The following ARHGAP15 variants were observed in gnomAD, a reference collection of about 807,000 sequenced individuals.
ARHGAP15 encodes Rho GTPase activating protein 15, also known as rho GTPase-activating protein 15.
ARHGAP15 carries 51 observed loss-of-function variants against 63.7 expected under a neutral mutation model. The ratio of observed to expected loss-of-function variants is 0.80; its 90% CI spans 0.64 to 1.01. The LOEUF (loss-of-function observed/expected upper bound fraction) is 1.01, where lower values mean the gene tolerates loss of function less well. Ranked by LOEUF, ARHGAP15 falls within the 50% of genes least tolerant of loss-of-function variation. ARHGAP15 has a pLI of 0.00. For missense variants in ARHGAP15, 560 were observed against 564.6 expected, an observed-to-expected ratio of 0.99 and a Z score of 0.08; for synonymous variants, 191 against 193.8, an observed-to-expected ratio of 0.99 and a Z score of 0.12.
intron 12 of ARHGAP15, among the ~76,000 whole-genome samples, chr2:143,689,429 G>T (rs1398007583): frequency 2.6e-5 from 4 of 152,032 alleles, no homozygotes; most frequent in Non-Finnish European, 4.4e-5. Flanking sequence ...AGCTTTTTAT[G>T]AGCATTGTTC....
chr2:143,269,627 A>T (rs1681169009), intron 6 of ARHGAP15, among the ~76,000 whole-genome samples: 1 of 152,172 alleles, frequency 6.6e-6, no homozygotes, highest in Non-Finnish European at 1.5e-5. Context: ...ATGCATATAC[A>T]CCTTCCAATT....
chr2:143,365,826 C>T (rs182766672), intron 6 of ARHGAP15, among the ~76,000 whole-genome samples: 1 of 152,292 alleles, frequency 6.6e-6, no homozygotes, highest in Admixed American at 6.5e-5. Flanking sequence ...CTTCAATGCA[C>T]AAATATTCCG....
At chr2:143,681,127 C>T (rs1263946724) in intron 12 of ARHGAP15, among the ~76,000 whole-genome samples, 2 of 152,198 alleles carry the variant, frequency 1.3e-5, no homozygotes, top group African/African-American at 2.4e-5. Context: ...GATGGAGCTG[C>T]ACCAGTCTCA....
intron 12 of ARHGAP15, among the ~76,000 whole-genome samples, chr2:143,690,666 A>C (rs1257347459): frequency 6.6e-6 from 1 of 152,098 alleles, no homozygotes; most frequent in Non-Finnish European, 1.5e-5. Flanking sequence ...TCTAAACCAC[A>C]CCTTGGTTCT....
rs748552030 is a variant in ARHGAP15 at position 143,577,429 on chromosome 2, C to T, written c.1003+20944C>T. 1.2e-4 allele frequency among the ~76,000 whole-genome samples: 18 copies of T among 152,072 alleles called. 1 individual carries two copies. The highest frequency in any genetic ancestry group is 2.4e-4 in the Non-Finnish European group (16 of 67,994). Reference sequence around the variant, plus strand: ...TTAGGACTCTTCTGATTTTAAGGGACAAAAACCAAAGGATTTTTTTCCTTT... The same window carrying T: ...TTAGGACTCTTCTGATTTTAAGGGATAAAAACCAAAGGATTTTTTTCCTTT... On this transcript the variant is annotated intron_variant, in intron 11 of 13. Transcript: ENST00000295095.
intron 6 of ARHGAP15, among the ~76,000 whole-genome samples, chr2:143,321,243 T>C (rs950496238): frequency 6.6e-6 from 1 of 152,206 alleles, no homozygotes; most frequent in Non-Finnish European, 1.5e-5. Context: ...AAACACATGG[T>C]AACTGCCCCA....
intron 6 of ARHGAP15, among the ~76,000 whole-genome samples, chr2:143,370,859 A>G (rs142478936): frequency 1.3e-4 from 20 of 152,310 alleles, no homozygotes; most frequent in African/African-American, 4.6e-4. Context: ...AACCCATGTT[A>G]AAAGTTTAAT....
chr2:143,259,213 T>A (rs1226752718), intron 6 of ARHGAP15, among the ~76,000 whole-genome samples: 1 of 152,164 alleles, frequency 6.6e-6, no homozygotes, highest in Non-Finnish European at 1.5e-5. Context: ...GAAAATTATG[T>A]GAAACCCTTC....
chr2:143,312,456 CA>C (rs1428185134), intron 6 of ARHGAP15, among the ~76,000 whole-genome samples: 2 of 151,538 alleles, frequency 1.3e-5, no homozygotes, highest in African/African-American at 2.4e-5. Flanking sequence ...GCAATCTCTG[CA>C]GTTATTTTTT....
At chr2:143,399,840 G>A (rs1687921307) in intron 6 of ARHGAP15, among the ~76,000 whole-genome samples, 1 of 151,952 alleles carries the variant, frequency 6.6e-6, no homozygotes, top group South Asian at 2.1e-4. Context: ...TAAGGACATT[G>A]GTGGGAAGAT....
At chr2:143,381,922 TC>T (rs1388170102) in intron 6 of ARHGAP15, among the ~76,000 whole-genome samples, 1 of 152,126 alleles carries the variant, frequency 6.6e-6, no homozygotes. Context: ...AGGCAATCTA[TC>T]CTTTTTGATA....
chr2:143,289,473 A>G (rs1027447864), intron 6 of ARHGAP15, among the ~76,000 whole-genome samples: 8 of 152,192 alleles, frequency 5.3e-5, no homozygotes, highest in Non-Finnish European at 1.0e-4. Context: ...TCATGTGAGT[A>G]TTAAGTATAC....
At chr2:143,444,276 A>G (rs1690031456) in intron 8 of ARHGAP15, among the ~76,000 whole-genome samples, 1 of 152,116 alleles carries the variant, frequency 6.6e-6, no homozygotes, top group South Asian at 2.1e-4. Flanking sequence ...GCATTAATAC[A>G]CTACTGTGAT....
chr2:143,274,663 T>G (rs945929811), intron 6 of ARHGAP15, among the ~76,000 whole-genome samples: 1 of 152,222 alleles, frequency 6.6e-6, no homozygotes, highest in Non-Finnish European at 1.5e-5. Flanking sequence ...ACCATACAAT[T>G]GATTGGGTCA....
chr2:143,369,459 A>C (rs987855494), intron 6 of ARHGAP15, among the ~76,000 whole-genome samples: 2 of 152,140 alleles, frequency 1.3e-5, no homozygotes, highest in African/African-American at 2.4e-5. Flanking sequence ...AGTGGATTAG[A>C]ATACCTTTTA....
At chr2:143,188,782 G>A (rs570284824) in intron 2 of ARHGAP15, among the ~76,000 whole-genome samples, 5 of 151,804 alleles carry the variant, frequency 3.3e-5, no homozygotes, top group South Asian at 2.1e-4. Context: ...CACCATGCCC[G>A]GCTAATTATT....
intron 8 of ARHGAP15, among the ~76,000 whole-genome samples, chr2:143,438,545 G>C (rs1689719904): frequency 6.6e-6 from 1 of 152,146 alleles, no homozygotes; most frequent in South Asian, 2.1e-4. Flanking sequence ...TTCAACAACT[G>C]CTAGACACAT....
chr2:143,737,144 A>C (rs1685776121), intron 13 of ARHGAP15, among the ~76,000 whole-genome samples: 1 of 152,226 alleles, frequency 6.6e-6, no homozygotes, highest in Non-Finnish European at 1.5e-5. Flanking sequence ...ACTAGCCGGG[A>C]ACATTGAATA....
chr2:143,460,305 G>T (rs909044983), intron 8 of ARHGAP15, among the ~76,000 whole-genome samples: 3 of 152,024 alleles, frequency 2.0e-5, no homozygotes, highest in African/African-American at 7.2e-5. Context: ...AAACTCTGAG[G>T]TTTGCTCACA....
Sources: allele counts gnomAD v4.1 joint callset (sites outside exome capture counted in the v4.1 genomes callset), GRCh38; gene constraint gnomAD v4.1.1; transcripts MANE v1.5; gene names NCBI Gene and HGNC (gene_info 2026-07-23, HGNC 2026-07-21).